The following PPM1E variants were observed in gnomAD, a reference collection of about 807,000 sequenced individuals.
The protein encoded by PPM1E is protein phosphatase, Mg2+/Mn2+ dependent 1E, also known as protein phosphatase 1E.
In PPM1E, 20 loss-of-function variants were observed where a neutral mutation model predicts 65.9. That is an observed-to-expected ratio of 0.30 (90% confidence interval 0.21 to 0.44). The LOEUF is 0.44. Among genes scored for constraint, PPM1E ranks in the 20% least tolerant of loss-of-function variants. PPM1E has a pLI of 1.00. For missense variants in PPM1E, 713 were observed against 953.1 expected, an observed-to-expected ratio of 0.75 and a Z score of 3.32; for synonymous variants, 352 against 374.9, an observed-to-expected ratio of 0.94 and a Z score of 0.70.
chr17:58,907,602 A>T (rs1042940450), intron 1 of PPM1E, among the ~76,000 whole-genome samples: 1 of 152,206 alleles, frequency 6.6e-6, no homozygotes, highest in South Asian at 2.1e-4. Context: ...GTCTCCAACT[A>T]TAGTAGTGGA....
chr17:58,936,281 A>G (rs1442644512), intron 1 of PPM1E, among the ~76,000 whole-genome samples: 1 of 152,160 alleles, frequency 6.6e-6, no homozygotes, highest in Admixed American at 6.5e-5. Context: ...TTTTTAGCTT[A>G]ATGTGTTATT....
At chr17:58,956,470 A>T (rs573516348) in intron 2 of PPM1E, among the ~76,000 whole-genome samples, 2 of 151,852 alleles carry the variant, frequency 1.3e-5, no homozygotes, top group Admixed American at 1.3e-4. Flanking sequence ...AAAAAAAAAA[A>T]CCTTAACTTT....
In PPM1E at chr17:58,800,386, C is replaced by T. The variant is rs906094577; in HGVS notation, c.464+43925C>T. Among the ~76,000 whole-genome samples, 31 of 151,760 alleles carry T rather than the reference C, an allele frequency of 2.0e-4. 1 individual carries two copies. The highest frequency in any genetic ancestry group is 1.9e-3 in the Admixed American group (29 of 15,226). On this transcript the variant is annotated intron_variant, in intron 1 of 6. Coordinates refer to ENST00000308249, the MANE Select transcript of PPM1E (RefSeq NM_014906.5). Reference sequence around the variant, plus strand: ...ATATTAGCCTATAATATTTTTCTTTCCTTCTCTCTTCCTTTTTTTCTTTTT... The same window carrying T: ...ATATTAGCCTATAATATTTTTCTTTTCTTCTCTCTTCCTTTTTTTCTTTTT...
chr17:58,964,781 C>T (rs774775691), intron 2 of PPM1E, among the ~76,000 whole-genome samples: 8 of 152,132 alleles, frequency 5.3e-5, no homozygotes, highest in African/African-American at 1.9e-4. Context: ...CGGTGGCTCA[C>T]GCCTATAATC....
At chr17:58,969,359 A>G in intron 3 of PPM1E, 180 bp from the exon 4 acceptor site, 1 of 714,366 alleles carries the variant, frequency 1.4e-6, no homozygotes, top group East Asian at 2.7e-5. Flanking sequence ...AGATACCCTA[A>G]TATTGCAGGT....
intron 1 of PPM1E, among the ~76,000 whole-genome samples, chr17:58,778,960 A>G (rs956756606): frequency 7.6e-6 from 1 of 131,334 alleles, no homozygotes; most frequent in Non-Finnish European, 1.6e-5. Flanking sequence ...ATATATATAT[A>G]TGTAGTATTG....
At chr17:58,958,867 G>A (rs1439297183) in intron 2 of PPM1E, among the ~76,000 whole-genome samples, 1 of 152,006 alleles carries the variant, frequency 6.6e-6, no homozygotes, top group Non-Finnish European at 1.5e-5. Context: ...ACAGGCATGA[G>A]CCACTGTGCC....
At chr17:58,812,218 G>A (rs962646674) in intron 1 of PPM1E, among the ~76,000 whole-genome samples, 5 of 145,994 alleles carry the variant, frequency 3.4e-5, no homozygotes, top group Non-Finnish European at 7.5e-5. Flanking sequence ...GCAGGAGAAA[G>A]GCATGAACCT....
At chr17:58,940,585 G>T (rs2143599880) in intron 1 of PPM1E, among the ~76,000 whole-genome samples, 1 of 152,240 alleles carries the variant, frequency 6.6e-6, no homozygotes, top group South Asian at 2.1e-4. Flanking sequence ...ATTCTCTAAA[G>T]TTTTCATTTC....
At chr17:58,963,674 A>ACT (rs2030118375) in intron 2 of PPM1E, among the ~76,000 whole-genome samples, 1 of 152,112 alleles carries the variant, frequency 6.6e-6, no homozygotes, top group South Asian at 2.1e-4. Flanking sequence ...GTGCCACTGC[A>ACT]CTCCAGCCTG....
chr17:58,910,882 G>C (rs7216680), intron 1 of PPM1E, among the ~76,000 whole-genome samples: 96,791 of 151,960 alleles, frequency 0.64, 31,214 homozygotes, highest in African/African-American at 0.71. Context: ...TTAAGAAGAA[G>C]AGGGTGCTCT....
intron 1 of PPM1E, among the ~76,000 whole-genome samples, chr17:58,843,165 A>C (rs1451525282): frequency 1.3e-5 from 2 of 151,526 alleles, no homozygotes; most frequent in African/African-American, 4.9e-5. Flanking sequence ...CGGCGCCTGT[A>C]GTCCCAGGCT....
chr17:58,880,682 G>C (rs896455762), intron 1 of PPM1E, among the ~76,000 whole-genome samples: 3 of 152,098 alleles, frequency 2.0e-5, no homozygotes, highest in Non-Finnish European at 4.4e-5. Flanking sequence ...GGAGTGCAGT[G>C]ACACGATCTC....
chr17:58,824,752 C>T (rs1364509310), intron 1 of PPM1E, among the ~76,000 whole-genome samples: 1 of 147,994 alleles, frequency 6.8e-6, no homozygotes, highest in Admixed American at 6.9e-5. Flanking sequence ...CCACGCCTGG[C>T]TAATTTTTTG....
chr17:58,914,634 T>C (rs552527635), intron 1 of PPM1E, among the ~76,000 whole-genome samples: 1 of 152,254 alleles, frequency 6.6e-6, no homozygotes, highest in East Asian at 1.9e-4. Context: ...AAAAAGAATA[T>C]GGAGAAAGCT....
chr17:58,946,138 A>C (rs1333490755), intron 1 of PPM1E, among the ~76,000 whole-genome samples: 1 of 152,132 alleles, frequency 6.6e-6, no homozygotes, highest in Non-Finnish European at 1.5e-5. Context: ...ACCAAAAGGC[A>C]CTCATAGACT....
chr17:58,756,567 C>T (rs1416185460), intron 1 of PPM1E, 106 bp downstream of exon 1: 4 of 1,195,438 alleles, frequency 3.3e-6, no homozygotes, highest in East Asian at 3.3e-5. Flanking sequence ...TGCTCCTCTC[C>T]CCCGCACCCG....
chr17:58,945,465 G>A lies in PPM1E; in HGVS notation c.465-10184G>A, dbSNP rs892463785. On this transcript the variant is annotated intron_variant, in intron 1 of 6. Transcript: ENST00000308249. ...GCCTCACACACTTCTGACACTAAAA[G>A]TGTGTGGGGTTTTCCCACCAACCAA... Among the ~76,000 whole-genome samples the A allele has an allele frequency of 3.9e-5, 6 of 152,196 alleles. No individual in the cohort carries two copies. The East Asian group carries it at 9.6e-4, about 24-fold the overall frequency.
At chr17:58,790,260 T>TA (rs1369756926) in intron 1 of PPM1E, among the ~76,000 whole-genome samples, 2 of 152,098 alleles carry the variant, frequency 1.3e-5, no homozygotes, top group Non-Finnish European at 2.9e-5. Flanking sequence ...GCCAGGGTCT[T>TA]ACCATGTTGC....
Sources: allele counts gnomAD v4.1 joint callset (sites outside exome capture counted in the v4.1 genomes callset), GRCh38; gene constraint gnomAD v4.1.1; transcripts MANE v1.5; gene names NCBI Gene and HGNC (gene_info 2026-07-23, HGNC 2026-07-21).